TMEM33: variants seen among roughly 807,000 people sequenced by gnomAD.
TMEM33 encodes the protein transmembrane protein 33.
Under a neutral mutation model 29.7 loss-of-function variants are expected in TMEM33, and 16 were observed. The observed-to-expected ratio is 0.54, with a 90% confidence interval of 0.36 to 0.82. The LOEUF is 0.82. TMEM33 is among the 40% of genes least tolerant of loss of function. The pLI, the probability that TMEM33 is intolerant of heterozygous loss-of-function variation, is 0.00. For synonymous variants in TMEM33, 112 were observed against 109.4 expected (o/e 1.02, Z -0.15); for missense variants, 252 against 295.3 (o/e 0.85, Z 1.08).
At chr4:41,951,095 C>T (rs374593175) in intron 6 of TMEM33, among the ~76,000 whole-genome samples, 1 of 152,128 alleles carries the variant, frequency 6.6e-6, no homozygotes, top group Non-Finnish European at 1.5e-5. Flanking sequence ...GAGACCATCT[C>T]TATTCACAAT....
chr4:41,947,825 G>A (rs1290275113), intron 5 of TMEM33, among the ~76,000 whole-genome samples: 2 of 152,168 alleles, frequency 1.3e-5, no homozygotes, highest in African/African-American at 4.8e-5. Flanking sequence ...TTCAAGCTCT[G>A]TATTTAAAAA....
At position 41,939,316 on chromosome 4, in the gene TMEM33, T is replaced by A; in HGVS notation, c.261T>A (p.Ala87=). The change falls in exon 3 of 7, where the codon GCT becomes GCA. Residue 87 remains alanine, a synonymous_variant. Transcript: ENST00000504986. ...TAAGCAGAGCATTCCTGGCCCAGGC[T>A]TTGTTAGAGGACAGCTGCCACTACC... ...FQLSRAFLAQ[A]LLEDSCHYLL... is the part of the protein sequence containing the mutation. The A allele has an allele frequency of 6.2e-7, 1 of 1,613,952 alleles. No homozygotes were observed. Among genetic ancestry groups the A allele is most frequent in the South Asian group, 1.1e-5 (1 of 91,046 alleles).
intron 2 of TMEM33, 118 bp from the exon 3 acceptor site, chr4:41,939,078 A>C (rs1285015583): frequency 2.1e-6 from 2 of 960,584 alleles, no homozygotes; most frequent in African/African-American, 3.4e-5. Context: ...AGTTCATGTA[A>C]TTTTTTTCTA....
intron 6 of TMEM33, among the ~76,000 whole-genome samples, chr4:41,953,240 A>C (rs1475134938): frequency 6.6e-6 from 1 of 152,190 alleles, no homozygotes; most frequent in Non-Finnish European, 1.5e-5. Flanking sequence ...GTATTTGTTT[A>C]GCATTAGAGG....
Position 41,935,431 on chromosome 4 carries a change from C to A in TMEM33, c.-54C>A. On this transcript the variant is annotated 5_prime_UTR_variant, in exon 1 of 7. Coordinates refer to ENST00000504986, the MANE Select transcript of TMEM33 (RefSeq NM_018126.3). ...TGGCCCCAGCGCTGACGTTTTCTCT[C>A]CCCTTTCTTCTCTCTTCGCGGTTGC... The A allele has an allele frequency of 6.4e-7, 1 of 1,563,144 alleles. No individual in the cohort carries two copies. The highest frequency in any genetic ancestry group is 8.7e-7 in the Non-Finnish European group (1 of 1,151,094).
chr4:41,938,742 C>T (rs759312906), intron 2 of TMEM33, 46 bp downstream of exon 2: 3 of 1,577,082 alleles, frequency 1.9e-6, no homozygotes, highest in Admixed American at 3.3e-5. Context: ...ATTGTTGAGT[C>T]AGTTTATATG....
At chr4:41,935,426 T>C, upstream of TMEM33, 1 of 1,554,116 alleles carries the variant, frequency 6.4e-7, no homozygotes, top group South Asian at 1.2e-5. Context: ...GCTGACGTTT[T>C]CTCTCCCCTT....
At chr4:41,940,092 G>T (rs538829531) in intron 3 of TMEM33, among the ~76,000 whole-genome samples, 3 of 99,646 alleles carry the variant, frequency 3.0e-5, no homozygotes, top group Non-Finnish European at 5.4e-5. Flanking sequence ...TTGCTCTGTT[G>T]CCCAGGCCAC....
intron 1 of TMEM33, among the ~76,000 whole-genome samples, chr4:41,937,610 A>G (rs2153126314): frequency 6.6e-6 from 1 of 152,304 alleles, no homozygotes; most frequent in South Asian, 2.1e-4. Flanking sequence ...TATTTTTAAA[A>G]AATTAAATAG....
Position 41,939,269 on chromosome 4 carries a change from C to G in TMEM33, c.214C>G (p.Gln72Glu). 6.2e-7 allele frequency: 1 copy of G among 1,613,436 alleles called. No homozygotes were observed. The highest frequency in any genetic ancestry group is 8.5e-7 in the Non-Finnish European group (1 of 1,179,864). Residue 72 changes from glutamine (Q) to glutamate (E), a missense_variant, in exon 3 of 7, where the codon CAA (glutamine) becomes GAA (glutamate). Gln to Glu is a conservative substitution (Grantham distance 29). Transcript: ENST00000504986. Reference sequence around the variant, plus strand: ...TCTTACCAGTGCTCTGAGGCTGCATCAAAGATTACCACACTTCCAGTTAAG... The same window carrying G: ...TCTTACCAGTGCTCTGAGGCTGCATGAAAGATTACCACACTTCCAGTTAAG... ...NALTSALRLHQRLPHFQLSRA... is the reference protein window; with the variant it reads ...NALTSALRLHERLPHFQLSRA...
rs749774398 is a variant in TMEM33, at chr4:41,939,200, C to T, written c.145C>T (p.His49Tyr). Reference protein sequence around the residue: ...ALFVLPLLGLHEAASFYQRAL... With the variant: ...ALFVLPLLGLYEAASFYQRAL... ...CTCTCCTCTGGTAATTTGCAGGTTG[C>T]ATGAAGCAGCAAGCTTTTACCAACG... is the stretch of plus-strand genomic sequence containing the variant. Residue 49 changes from histidine to tyrosine, a missense_variant, in exon 3 of 7, where the codon CAT (histidine) becomes TAT (tyrosine). Transcript: ENST00000504986. The T allele has an allele frequency of 6.3e-7, 1 of 1,593,722 alleles. No homozygotes were observed. Among genetic ancestry groups the T allele is most frequent in the South Asian group, 1.1e-5 (1 of 87,858 alleles).
In TMEM33 at chr4:41,959,219, A is replaced by T. The variant is rs558078294; in HGVS notation, c.*5020A>T. 1 of 152,348 alleles carries T rather than the reference A, an allele frequency of 6.6e-6. No homozygotes were observed. The highest frequency in any genetic ancestry group is 2.1e-4 in the South Asian group (1 of 4,830). 9.4% of individuals were successfully genotyped at this position (152,348 alleles called of 1,614,324 possible). ...GATTGGATCTGCTGTTAAGGAGAAC[A>T]AAGGAGCTTCTAAAGGTTTGGGAGG... On this transcript the variant is annotated 3_prime_UTR_variant, in exon 7 of 7. Coordinates refer to ENST00000504986, the MANE Select transcript of TMEM33 (RefSeq NM_018126.3).
intron 1 of TMEM33, among the ~76,000 whole-genome samples, chr4:41,936,078 G>A (rs1388853215): frequency 2.0e-5 from 3 of 152,158 alleles, no homozygotes; most frequent in Admixed American, 2.0e-4. Flanking sequence ...TTTGTGCCCG[G>A]AGCATTGCTG....
At chr4:41,937,155 G>A (rs1383020085) in intron 1 of TMEM33, among the ~76,000 whole-genome samples, 1 of 151,610 alleles carries the variant, frequency 6.6e-6, no homozygotes, top group East Asian at 1.9e-4. Flanking sequence ...ATACATAAGT[G>A]TGTACAAAAT....
At chr4:41,952,910 A>G (rs564482168) in intron 6 of TMEM33, among the ~76,000 whole-genome samples, 1 of 152,280 alleles carries the variant, frequency 6.6e-6, no homozygotes, top group South Asian at 2.1e-4. Flanking sequence ...ATAACTGTCC[A>G]TGTTATATAT....
Position 41,943,731 on chromosome 4 carries a change from T to C in TMEM33, c.329-16T>C, listed in dbSNP as rs375945633. ...CTTGATGACTTTTAAATGTTTTCCT[T>C]AATTGTTTTCTTTAGTGAGTATCTT... is the stretch of plus-strand genomic sequence containing the variant. On this transcript the variant is annotated splice_polypyrimidine_tract_variant and intron_variant, in intron 3 of 6. Transcript: ENST00000504986. The C allele has an allele frequency of 6.8e-5, 109 of 1,612,274 alleles. No individual in the cohort carries two copies. The highest frequency in any genetic ancestry group is 8.9e-5 in the Non-Finnish European group (105 of 1,178,726).
Position 41,938,778 on chromosome 4 carries a change from T to C in TMEM33, c.140+82T>C, listed in dbSNP as rs542447792. 8 of 1,324,838 alleles carry C rather than the reference T, an allele frequency of 6.0e-6. No individual in the cohort carries two copies. The East Asian group carries it at 1.1e-4, about 19-fold the overall frequency. The allele number at this position is 1,324,838 out of a possible 1,614,324, so 82.1% of individuals were successfully genotyped here. On this transcript the variant is annotated intron_variant, in intron 2 of 6. Coordinates refer to ENST00000504986, the MANE Select transcript of TMEM33 (RefSeq NM_018126.3). Reference sequence around the variant, plus strand: ...GAGTGCCTTTTAGGTGTAAGACTTATTAACCTGTAAAGGGTTTAGGGACAA... The same window carrying C: ...GAGTGCCTTTTAGGTGTAAGACTTACTAACCTGTAAAGGGTTTAGGGACAA...
intron 3 of TMEM33, among the ~76,000 whole-genome samples, chr4:41,940,032 CTAGGT>C: frequency 7.2e-6 from 1 of 138,070 alleles, no homozygotes; most frequent in African/African-American, 2.8e-5. Flanking sequence ...ATAGTGAACA[CTAGGT>C]TAAACTTTCT....
intron 6 of TMEM33, among the ~76,000 whole-genome samples, chr4:41,950,246 T>C (rs1219641652): frequency 2.0e-5 from 3 of 152,144 alleles, no homozygotes; most frequent in Admixed American, 6.5e-5. Flanking sequence ...ATCTCAAGCA[T>C]TGGAGTAAAA....
Sources: allele counts gnomAD v4.1 joint callset (sites outside exome capture counted in the v4.1 genomes callset), GRCh38; gene constraint gnomAD v4.1.1; transcripts MANE v1.5; gene names NCBI Gene and HGNC (gene_info 2026-07-23, HGNC 2026-07-21).